Variants in RIF1 observed in about 807,000 individuals in gnomAD.
RIF1 encodes the protein telomere-associated protein RIF1.
In RIF1, 45 loss-of-function variants were observed where a neutral mutation model predicts 247.1. The observed-to-expected ratio is 0.18, with a 90% CI of 0.14 to 0.23. The LOEUF (loss-of-function observed/expected upper bound fraction) is 0.23, where lower values mean the gene tolerates loss of function less well. Among genes scored for constraint, RIF1 ranks in the 10% least tolerant of loss-of-function variants. RIF1 has a pLI of 1.00. For synonymous variants in RIF1, 1,087 were observed against 978.8 expected, an observed-to-expected ratio of 1.11 and a Z score of -2.06; for missense variants, 2,967 against 2,862.5, an observed-to-expected ratio of 1.04 and a Z score of -0.83.
intron 26 of RIF1, 56 bp from the exon 27 acceptor site, chr2:151,461,082 T>C (rs1559007678): frequency 2.7e-6 from 4 of 1,504,916 alleles, no homozygotes; most frequent in Non-Finnish European, 3.6e-6. Context: ...GATAGAAATA[T>C]TGGAAAATAA....
At chr2:151,514,253 G>GT in the RIF1 span, 4 of 1,149,150 alleles carry the variant, frequency 3.5e-6, no homozygotes, top group South Asian at 5.3e-5. Flanking sequence ...TTTTTCTGGT[G>GT]TAATTTGGCT....
Position 151,457,784 on chromosome 2 carries a change from T to C in RIF1, c.2676T>C (p.Ile892=), listed in dbSNP as rs1451490370. Reference sequence around the variant, plus strand: ...AGTTAGAAAAGCTACTGGGAGAAATTATTGCTTGTCTGCAATTCAGCTACA... The same window carrying C: ...AGTTAGAAAAGCTACTGGGAGAAATCATTGCTTGTCTGCAATTCAGCTACA... The part of the protein sequence containing the change: ...NNKLEKLLGE[I]IACLQFSYTG... Residue 892 remains isoleucine, a synonymous_variant, in exon 24 of 36, where the codon ATT becomes ATC. Transcript: ENST00000444746. 1.9e-6 allele frequency: 3 copies of C among 1,613,900 alleles called. 1 individual carries two copies. The highest frequency in any genetic ancestry group is 2.5e-6 in the Non-Finnish European group (3 of 1,179,906).
At chr2:151,489,636 A>T (rs1048037882) in intron 9 of RIF1, among the ~76,000 whole-genome samples, 1 of 152,282 alleles carries the variant, frequency 6.6e-6, no homozygotes, top group African/African-American at 2.4e-5. Context: ...AGCTCAAGCA[A>T]TCCTCCTGCA....
the RIF1 span, among the ~76,000 whole-genome samples, chr2:151,528,475 A>C: frequency 1.9e-4 from 29 of 152,276 alleles, no homozygotes; most frequent in Middle Eastern, 3.4e-3. Flanking sequence ...TTTGCAAGGT[A>C]CGTTTTACTG....
At chr2:151,497,518 C>T in intron 10 of RIF1, 1 of 1,497,568 alleles carries the variant, frequency 6.7e-7, no homozygotes, top group Non-Finnish European at 8.9e-7. Context: ...AAGAAATTCA[C>T]AAAATTTAAG....
intron 8 of RIF1, among the ~76,000 whole-genome samples, chr2:151,424,388 C>G (rs1471434385): frequency 6.6e-6 from 1 of 152,216 alleles, no homozygotes; most frequent in East Asian, 1.9e-4. Flanking sequence ...AGGCGTGAGC[C>G]ACCGTGCCTG....
chr2:151,465,024 G>A lies in RIF1; in HGVS notation c.5504G>A (p.Arg1835Lys), dbSNP rs200831918. 1.2e-4 allele frequency: 190 copies of A among 1,579,444 alleles called. No homozygotes were observed. The highest frequency in any genetic ancestry group is 1.5e-4 in the Non-Finnish European group (176 of 1,170,658). ...ESLPSGIVNF[R>K]EEICDMDSSE... ...CTTCCTTCTGGAATAGTAAACTTTA[G>A]AGAGGAAATTTGTGATATGGATTCT... is the stretch of plus-strand genomic sequence containing the variant. Residue 1835 changes from arginine (R) to lysine (K), a missense_variant, in exon 30 of 36, where the codon AGA becomes AAA. This residue lies in a region of RIF1 where 2,028 missense variants were observed against 1,825.6 expected (regional missense o/e 1.11). Coordinates refer to ENST00000444746, the MANE Select transcript of RIF1 (RefSeq NM_018151.5).
intron 6 of RIF1, 79 bp downstream of exon 6, chr2:151,416,980 T>G: frequency 9.1e-7 from 1 of 1,092,938 alleles, no homozygotes; most frequent in Non-Finnish European, 1.4e-6. Flanking sequence ...GGGATTTAAA[T>G]GAGAGACAGA....
chr2:151,434,786 C>G (rs147577985), intron 10 of RIF1, among the ~76,000 whole-genome samples: 2 of 151,896 alleles, frequency 1.3e-5, no homozygotes, highest in Admixed American at 1.3e-4. Flanking sequence ...CTGCTAACAT[C>G]TTTTTCATTT....
chr2:151,505,429 T>C (rs371713922), intron 12 of RIF1: 124 of 1,470,698 alleles, frequency 8.4e-5, no homozygotes, highest in Non-Finnish European at 1.1e-4. Context: ...AGGGTAGCAA[T>C]TGAGAGATGG....
intron 3 of RIF1, among the ~76,000 whole-genome samples, chr2:151,412,891 A>G (rs1444883446): frequency 3.9e-5 from 6 of 152,222 alleles, no homozygotes; most frequent in East Asian, 3.9e-4. Flanking sequence ...AGTCATCAAC[A>G]TTTTTTGTGT....
At chr2:151,523,360 C>T in the RIF1 span, among the ~76,000 whole-genome samples, 3 of 152,336 alleles carry the variant, frequency 2.0e-5, no homozygotes, top group South Asian at 6.2e-4. Context: ...TGTCACTTGA[C>T]ATTACTGCAT....
At position 151,452,018 on chromosome 2, in the gene RIF1, G is replaced by A. The variant is rs544339480; in HGVS notation, c.2344+313G>A. Among the ~76,000 whole-genome samples, 3 of 152,128 alleles carry A rather than the reference G, an allele frequency of 2.0e-5. No homozygotes were observed. The East Asian group carries it at 5.8e-4, about 29-fold the overall frequency. On this transcript the variant is annotated intron_variant, in intron 21 of 35. Transcript: ENST00000444746. The stretch of plus-strand genomic sequence containing the variant: ...CAAATGGTTTTACTCATTCCATCTG[G>A]TATGAAGGATTACCTGGACAAGAAA...
rs755827491 is a variant in RIF1, at chr2:151,456,588, G to A, written c.2620G>A (p.Val874Ile). The part of the protein sequence containing the change: ...LFYENSKLDE[V>I]PKVYSCLNNK... ...TTTTATCCTTCCTAGGCTTGATGAA[G>A]TTCCTAAAGTATATAGTTGTCTGAA... is the stretch of plus-strand genomic sequence containing the variant. Residue 874 changes from valine (V) to isoleucine (I), a missense_variant, in exon 23 of 36, where the codon GTT (valine) becomes ATT (isoleucine). By Grantham distance (29) the Val-to-Ile change is conservative. This residue lies in a region of RIF1 where 2,028 missense variants were observed against 1,825.6 expected (regional missense o/e 1.11). Coordinates refer to ENST00000444746, the MANE Select transcript of RIF1 (RefSeq NM_018151.5). 2.0e-6 allele frequency: 3 copies of A among 1,527,452 alleles called. No individual in the cohort carries two copies. The highest frequency in any genetic ancestry group is 1.2e-5 in the South Asian group (1 of 86,026). 94.6% of individuals were successfully genotyped at this position (1,527,452 alleles called of 1,614,324 possible). A position where few individuals can be genotyped will look rare whatever the true frequency, so the allele number is the denominator to read the frequency against.
the RIF1 span, chr2:151,534,245 C>G: frequency 3.8e-5 from 61 of 1,613,664 alleles, no homozygotes; most frequent in African/African-American, 7.1e-4. Flanking sequence ...CGGTCTTAGC[C>G]AGCAGATGTC....
rs750886550 is a variant in RIF1 at position 151,465,358 on chromosome 2, TAAAAG to T, written c.5842_5846del (p.Arg1948Ter). 1 of 1,613,284 alleles carries T rather than the reference TAAAAG, an allele frequency of 6.2e-7. No homozygotes were observed. The highest frequency in any genetic ancestry group is 8.5e-7 in the Non-Finnish European group (1 of 1,179,822). ...CTGAAGAAGCAGCAATAGAAGAAAATAAAAGAAATGATGACTCTGAAGCAGACACA... is the reference window on the plus strand; with the variant it reads ...CTGAAGAAGCAGCAATAGAAGAAAATAAATGATGACTCTGAAGCAGACACA... On this transcript the variant is annotated frameshift_variant, in exon 30 of 36. Coordinates refer to ENST00000444746, the MANE Select transcript of RIF1 (RefSeq NM_018151.5). LOFTEE classifies it high-confidence loss of function.
At chr2:151,489,316 T>A (rs750911075) in intron 9 of RIF1, among the ~76,000 whole-genome samples, 5 of 152,238 alleles carry the variant, frequency 3.3e-5, no homozygotes, top group Admixed American at 2.6e-4. Context: ...ACTGTGAAGA[T>A]GATTTGGCTT....
chr2:151,480,918 A>G lies in RIF1; in HGVS notation c.*5847A>G, dbSNP rs1434098668. 2.0e-5 allele frequency: 3 copies of G among 151,656 alleles called. No individual in the cohort carries two copies. Among genetic ancestry groups the G allele is most frequent in the South Asian group, 2.1e-4 (1 of 4,826 alleles). 9.4% of individuals were successfully genotyped at this position (151,656 alleles called of 1,614,324 possible). ...TAGCATGCCACCTGTTTTTTGTACT[A>G]TCTGTGAGCTGAGACTGGTTTTTAC... On this transcript the variant is annotated 3_prime_UTR_variant, in exon 36 of 36. Coordinates refer to ENST00000444746, the MANE Select transcript of RIF1 (RefSeq NM_018151.5).
chr2:151,436,858 T>C lies in RIF1; in HGVS notation c.1227T>C (p.Thr409=), dbSNP rs1172780368. Residue 409 remains threonine (T), a synonymous_variant, in exon 12 of 36, where the codon ACT becomes ACC. Transcript: ENST00000444746. ...CCTCCCCGTACGGAGCCCCGGGAAC[T>C]CCCCGAATGAACCTGAGTTCGAATT... ...GASSPYGAPG[T]PRMNLSSNLG... is the part of the protein sequence containing the mutation. 6.2e-7 allele frequency: 1 copy of C among 1,611,390 alleles called. No individual in the cohort carries two copies. The highest frequency in any genetic ancestry group is 8.5e-7 in the Non-Finnish European group (1 of 1,178,714).
Sources: allele counts gnomAD v4.1 joint callset (sites outside exome capture counted in the v4.1 genomes callset), GRCh38; gene constraint gnomAD v4.1.1; regional missense constraint gnomAD v4.1.1; transcripts MANE v1.5; gene names NCBI Gene and HGNC (gene_info 2026-07-23, HGNC 2026-07-21).